NEGR1: variants seen among roughly 807,000 people sequenced by gnomAD.
NEGR1 encodes neuronal growth regulator 1, also known as IgLON family member 4.
In NEGR1, 10 loss-of-function variants were observed where a neutral mutation model predicts 40.9. The observed-to-expected ratio is 0.24, with a 90% CI of 0.15 to 0.42. The LOEUF is 0.42. Ranked by LOEUF, NEGR1 falls within the 10% of genes least tolerant of loss-of-function variation. The pLI, the probability that NEGR1 is intolerant of heterozygous loss-of-function variation, is 1.00. For synonymous variants in NEGR1, 185 were observed against 166.8 expected, an observed-to-expected ratio of 1.11 and a Z score of -0.84; for missense variants, 352 against 438.9, an observed-to-expected ratio of 0.80 and a Z score of 1.77.
At chr1:72,030,202 T>C (rs1028611023) in intron 1 of NEGR1, among the ~76,000 whole-genome samples, 9 of 152,006 alleles carry the variant, frequency 5.9e-5, no homozygotes, top group African/African-American at 2.2e-4. Flanking sequence ...ACTTTTTTTT[T>C]TTTTCTTTTT....
At chr1:72,214,801 T>C (rs912546407) in intron 1 of NEGR1, among the ~76,000 whole-genome samples, 8 of 151,786 alleles carry the variant, frequency 5.3e-5, no homozygotes, top group African/African-American at 1.9e-4. Context: ...ATTTATAGAT[T>C]CAATGCTATT....
At chr1:72,107,638 T>C (rs1343307326) in intron 1 of NEGR1, among the ~76,000 whole-genome samples, 1 of 151,492 alleles carries the variant, frequency 6.6e-6, no homozygotes, top group Admixed American at 6.6e-5. Context: ...CAAAAGCTAA[T>C]GTGTTTATTT....
At chr1:71,992,575 T>C (rs1478346215) in intron 1 of NEGR1, among the ~76,000 whole-genome samples, 1 of 152,216 alleles carries the variant, frequency 6.6e-6, no homozygotes, top group Non-Finnish European at 1.5e-5. Context: ...GTAATCAATA[T>C]AAAGTTATTG....
intron 2 of NEGR1, among the ~76,000 whole-genome samples, chr1:71,864,827 A>G (rs1660066481): frequency 6.6e-6 from 1 of 152,184 alleles, no homozygotes; most frequent in Admixed American, 6.5e-5. Context: ...CATAAATATT[A>G]TTATTCATTA....
chr1:72,064,083 A>C (rs1647220040), intron 1 of NEGR1, among the ~76,000 whole-genome samples: 2 of 151,902 alleles, frequency 1.3e-5, no homozygotes, highest in African/African-American at 4.8e-5. Flanking sequence ...GAAAAAAAAA[A>C]CTTTCTTCTT....
chr1:71,676,804 C>CA (rs1284128220), intron 4 of NEGR1, among the ~76,000 whole-genome samples: 1 of 152,044 alleles, frequency 6.6e-6, no homozygotes, highest in African/African-American at 2.4e-5. Context: ...AGAGATATTT[C>CA]AAAAAAATTC....
At chr1:71,511,242 A>G (rs72936177) in intron 6 of NEGR1, among the ~76,000 whole-genome samples, 1 of 152,316 alleles carries the variant, frequency 6.6e-6, no homozygotes, top group South Asian at 2.1e-4. Context: ...TTGCTGAAGT[A>G]AGTTTTGAGA....
chr1:72,114,955 CCGTGTT>C (rs1226245870), intron 1 of NEGR1, among the ~76,000 whole-genome samples: 1 of 151,658 alleles, frequency 6.6e-6, no homozygotes, highest in East Asian at 1.9e-4. Context: ...TAACAAGACA[CCGTGTT>C]ATATTTGTCA....
intron 1 of NEGR1, among the ~76,000 whole-genome samples, chr1:72,252,665 T>C (rs1557599234): frequency 6.6e-6 from 1 of 152,092 alleles, no homozygotes; most frequent in Admixed American, 6.6e-5. Context: ...CACGTTTACA[T>C]GAGGGAGAGA....
At chr1:71,877,175 T>C (rs1184855455) in intron 2 of NEGR1, among the ~76,000 whole-genome samples, 1 of 146,572 alleles carries the variant, frequency 6.8e-6, no homozygotes, top group East Asian at 2.0e-4. Flanking sequence ...AAAAAAAGGG[T>C]CTGAGAGTAA....
Position 72,248,570 on chromosome 1 carries a change from T to TTTTA in NEGR1, c.176+33745_176+33748dup, listed in dbSNP as rs1342861352. ...ACCACGCCCAGCCTGAGACTTCTAT[T>TTTTA]TTTATTTATTATTATTATTATTATT... On this transcript the variant is annotated intron_variant, in intron 1 of 6. Coordinates refer to ENST00000357731, the MANE Select transcript of NEGR1 (RefSeq NM_173808.3). Among the ~76,000 whole-genome samples the TTTTA allele has an allele frequency of 2.1e-3, 270 of 127,346 alleles. 1 individual carries two copies. Among genetic ancestry groups the TTTTA allele is most frequent in the Middle Eastern group, 4.1e-3 (1 of 244 alleles). 83.5% of individuals were successfully genotyped at this position (127,346 alleles called of 152,430 possible).
chr1:71,538,074 G>A (rs2101453119), intron 6 of NEGR1, among the ~76,000 whole-genome samples: 1 of 151,724 alleles, frequency 6.6e-6, no homozygotes, highest in South Asian at 2.1e-4. Context: ...CACCAAGACA[G>A]ACATTTTCAA....
At chr1:72,120,621 T>C (rs878891405) in intron 1 of NEGR1, among the ~76,000 whole-genome samples, 1 of 152,030 alleles carries the variant, frequency 6.6e-6, no homozygotes, top group Non-Finnish European at 1.5e-5. Context: ...TAACTCGTCA[T>C]CTAGCATTAG....
chr1:71,463,178 AT>A (rs1283923873), intron 6 of NEGR1, among the ~76,000 whole-genome samples: 1 of 152,174 alleles, frequency 6.6e-6, no homozygotes, highest in Admixed American at 6.6e-5. Context: ...TAAGTAAATT[AT>A]ATACATTTTA....
intron 1 of NEGR1, among the ~76,000 whole-genome samples, chr1:72,240,354 T>C (rs923381354): frequency 6.6e-5 from 10 of 151,808 alleles, no homozygotes; most frequent in Admixed American, 2.6e-4. Flanking sequence ...GCTAACACCT[T>C]AGACATCTCA....
chr1:71,497,434 T>C (rs1646971540), intron 6 of NEGR1, among the ~76,000 whole-genome samples: 1 of 152,076 alleles, frequency 6.6e-6, no homozygotes, highest in Non-Finnish European at 1.5e-5. Context: ...TATAATTCCA[T>C]AGTTTTTTTT....
intron 6 of NEGR1, among the ~76,000 whole-genome samples, chr1:71,435,044 T>C (rs979549361): frequency 6.6e-6 from 1 of 151,666 alleles, no homozygotes; most frequent in Admixed American, 6.6e-5. Context: ...TGAGCCGAGA[T>C]TGCGCCAATG....
chr1:71,475,815 C>T (rs1386320976), intron 6 of NEGR1, among the ~76,000 whole-genome samples: 1 of 151,914 alleles, frequency 6.6e-6, no homozygotes, highest in African/African-American at 2.4e-5. Flanking sequence ...AATTTATTAT[C>T]TAACTTACTT....
chr1:72,215,452 T>C (rs1238478569), intron 1 of NEGR1, among the ~76,000 whole-genome samples: 4 of 152,100 alleles, frequency 2.6e-5, no homozygotes, highest in African/African-American at 4.8e-5. Flanking sequence ...GAGAAAATTT[T>C]TGCAATCTAA....
Sources: allele counts gnomAD v4.1 joint callset (sites outside exome capture counted in the v4.1 genomes callset), GRCh38; gene constraint gnomAD v4.1.1; transcripts MANE v1.5; gene names NCBI Gene and HGNC (gene_info 2026-07-23, HGNC 2026-07-21).